Variants in GARIN1A observed in about 807,000 individuals in gnomAD.
The protein encoded by GARIN1A is golgi associated RAB2 interactor 1A, also known as Golgi-associated RAB2 interactor protein 1A.
At chr7:128,682,974 A>G in the GARIN1A span, 27 of 1,598,772 alleles carry the variant, frequency 1.7e-5, no homozygotes, top group Non-Finnish European at 2.3e-5. Context: ...GAACAATGAC[A>G]CTGCCATTGA....
the GARIN1A span, among the ~76,000 whole-genome samples, chr7:128,707,135 A>G: frequency 1.3e-5 from 2 of 151,872 alleles, no homozygotes; most frequent in South Asian, 2.1e-4. Context: ...TGTGAAGCCA[A>G]CCTTACTACC....
chr7:128,703,961 A>G, the GARIN1A span, among the ~76,000 whole-genome samples: 2 of 152,130 alleles, frequency 1.3e-5, no homozygotes, highest in Non-Finnish European at 2.9e-5. Flanking sequence ...TGCCACAAAG[A>G]GTGAGTTTCA....
chr7:128,698,474 C>T, the GARIN1A span, among the ~76,000 whole-genome samples: 1 of 152,102 alleles, frequency 6.6e-6, no homozygotes, highest in African/African-American at 2.4e-5. Flanking sequence ...CATGCCACCC[C>T]GACTCCAGCT....
the GARIN1A span, chr7:128,683,288 A>G: frequency 1.5e-6 from 1 of 666,918 alleles, no homozygotes; most frequent in Admixed American, 3.3e-5. Context: ...GTGCTTCTCT[A>G]CTTCCACCAA....
chr7:128,703,912 G>A, the GARIN1A span, among the ~76,000 whole-genome samples: 2 of 152,116 alleles, frequency 1.3e-5, no homozygotes, highest in Non-Finnish European at 2.9e-5. Flanking sequence ...GTGACTCGAC[G>A]TTGGAGGATG....
chr7:128,681,066 C>T, the GARIN1A span, among the ~76,000 whole-genome samples: 1 of 152,262 alleles, frequency 6.6e-6, no homozygotes, highest in South Asian at 2.1e-4. Flanking sequence ...GTCTGCCCTT[C>T]ATAACTTTTT....
chr7:128,673,474 CG>C, the GARIN1A span, among the ~76,000 whole-genome samples: 1 of 152,092 alleles, frequency 6.6e-6, no homozygotes, highest in African/African-American at 2.4e-5. Flanking sequence ...GGAAGAGCAG[CG>C]GGGAGGATAT....
chr7:128,680,185 C>T, the GARIN1A span: 2 of 1,306,118 alleles, frequency 1.5e-6, no homozygotes, highest in Non-Finnish European at 1.1e-6. Flanking sequence ...AGATCCCTTC[C>T]TCCAGTGTGA....
the GARIN1A span, chr7:128,684,437 A>C: frequency 1.3e-5 from 2 of 152,122 alleles, no homozygotes; most frequent in African/African-American, 4.8e-5. Context: ...CCAACATGGC[A>C]AAGCCCTGTC....
chr7:128,704,449 C>A, the GARIN1A span, among the ~76,000 whole-genome samples: 1 of 152,070 alleles, frequency 6.6e-6, no homozygotes. Flanking sequence ...GGATTACAGG[C>A]ATGTGCCACC....
the GARIN1A span, chr7:128,686,203 A>G: frequency 6.6e-6 from 1 of 152,110 alleles, no homozygotes; most frequent in Non-Finnish European, 1.5e-5. Flanking sequence ...ACAGAGCCAG[A>G]TTCCGTCTCA....
At chr7:128,678,610 C>T in the GARIN1A span, among the ~76,000 whole-genome samples, 4 of 151,996 alleles carry the variant, frequency 2.6e-5, no homozygotes, top group African/African-American at 9.7e-5. Flanking sequence ...TCGAGACCAG[C>T]CTGCCCAACA....
chr7:128,690,408 AAATAAATAAAT>A, the GARIN1A span: 1 of 146,476 alleles, frequency 6.8e-6, no homozygotes, highest in South Asian at 2.1e-4. Flanking sequence ...CAATAAAAAT[AAATAAATAAAT>A]AATAATAATA....
At chr7:128,701,341 A>G in the GARIN1A span, among the ~76,000 whole-genome samples, 1 of 46,674 alleles carries the variant, frequency 2.1e-5, no homozygotes, top group Non-Finnish European at 4.2e-5. Flanking sequence ...AGGGGAGGGG[A>G]GGGGGAGGGG....
chr7:128,672,692 A>G, the GARIN1A span: 1 of 734,270 alleles, frequency 1.4e-6, no homozygotes, highest in Admixed American at 2.9e-5. Context: ...GCTAGAGAAA[A>G]CCAGAAGGTC....
chr7:128,692,814 G>A, the GARIN1A span, among the ~76,000 whole-genome samples: 1 of 152,144 alleles, frequency 6.6e-6, no homozygotes, highest in Admixed American at 6.5e-5. Flanking sequence ...AGAAACGCGT[G>A]GTTCTGGGTT....
chr7:128,674,798 A>G, the GARIN1A span, among the ~76,000 whole-genome samples: 2 of 152,158 alleles, frequency 1.3e-5, no homozygotes, highest in Non-Finnish European at 2.9e-5. Flanking sequence ...ATAGTTTTAC[A>G]AAGTCTAGAA....
the GARIN1A span, among the ~76,000 whole-genome samples, chr7:128,688,984 G>C: frequency 6.6e-6 from 1 of 151,430 alleles, no homozygotes; most frequent in Non-Finnish European, 1.5e-5. Context: ...TATTTTTTTG[G>C]TGGAGACGGG....
the GARIN1A span, chr7:128,691,281 C>A: frequency 6.6e-6 from 1 of 152,188 alleles, no homozygotes; most frequent in African/African-American, 2.4e-5. Context: ...AGCTGATCTA[C>A]ATCTAAGAGC....
Sources: allele counts gnomAD v4.1 joint callset (sites outside exome capture counted in the v4.1 genomes callset), GRCh38; gene constraint gnomAD v4.1.1; transcripts MANE v1.5; gene names NCBI Gene and HGNC (gene_info 2026-07-23, HGNC 2026-07-21).